Variants in PRR12 observed in about 807,000 individuals in gnomAD.
The protein encoded by PRR12 is proline rich 12, also known as proline-rich protein 12.
In PRR12, 12 loss-of-function variants were observed where a neutral mutation model predicts 138.0. That is an observed-to-expected ratio of 0.09 (90% CI 0.06 to 0.14). The LOEUF is 0.14. PRR12 is among the 10% of genes least tolerant of loss of function. The pLI, the probability that PRR12 is intolerant of heterozygous loss-of-function variation, is 1.00. For missense variants in PRR12, 2,692 were observed against 2,861.3 expected, an observed-to-expected ratio of 0.94 and a Z score of 1.35; for synonymous variants, 1,567 against 1,291.7, an observed-to-expected ratio of 1.21 and a Z score of -4.57.
chr19:49,615,623 C>G, intron 8 of PRR12, 124 bp from the exon 9 acceptor site: 1 of 778,552 alleles, frequency 1.3e-6, no homozygotes, highest in Non-Finnish European at 2.0e-6. Context: ...GAACAGAGAC[C>G]AGAGAGAGGA....
chr19:49,598,098 G>C (rs541100524), intron 4 of PRR12, 85 bp downstream of exon 4: 13 of 1,218,436 alleles, frequency 1.1e-5, no homozygotes, highest in Non-Finnish European at 1.3e-5. Context: ...TTTTGAGACA[G>C]AGTCTCGCTC....
At position 49,616,484 on chromosome 19, in the gene PRR12, C is replaced by T. The variant is rs532014209; in HGVS notation, c.5497+265C>T. 3.9e-5 allele frequency among the ~76,000 whole-genome samples: 6 copies of T among 152,248 alleles called. No individual in the cohort carries two copies. The highest frequency in any genetic ancestry group is 3.3e-4 in the Admixed American group (5 of 15,288). ...TCTACAGATGAGGAAGCTGAGGCTC[C>T]AAGAGAGGGCAGCACAGTCTGTGTT... is the stretch of plus-strand genomic sequence containing the variant. On this transcript the variant is annotated intron_variant, in intron 9 of 13. Transcript: ENST00000418929. This position sits in a 1 kb window ranked among gnomAD's most constrained non-coding sequence, Gnocchi z 4.2.
At position 49,596,764 on chromosome 19, in the gene PRR12, C is replaced by G. The variant is rs1267242660; in HGVS notation, c.2429C>G (p.Pro810Arg). ...QLLPSVLSHAPSPSPSASKVG... is the reference protein window; with the variant it reads ...QLLPSVLSHARSPSPSASKVG... ...CTCCCCTCGGTCCTCAGCCATGCCC[C>G]CAGTCCCTCTCCCAGCGCCTCCAAA... Residue 810 changes from proline (P) to arginine (R), a missense_variant, in exon 4 of 14, where the codon CCC becomes CGC. By Grantham distance (103) the Pro-to-Arg change is moderately radical. This residue lies in a region of PRR12 where 840 missense variants were observed against 689.8 expected (regional missense o/e 1.22). Coordinates refer to ENST00000418929, the MANE Select transcript of PRR12 (RefSeq NM_020719.3). The surrounding 1 kb of genome is among the most constrained non-coding windows in gnomAD (Gnocchi z 5.6). 4 of 1,604,338 alleles carry G rather than the reference C, an allele frequency of 2.5e-6. No individual in the cohort carries two copies. The highest frequency in any genetic ancestry group is 1.3e-5 in the African/African-American group (1 of 74,778).
chr19:49,617,896 G>A (rs760420662), intron 9 of PRR12, among the ~76,000 whole-genome samples: 2 of 151,980 alleles, frequency 1.3e-5, no homozygotes, highest in Admixed American at 1.3e-4. Flanking sequence ...TCAGGAGCTC[G>A]AGACCAGCCT....
At chr19:49,609,978 T>C (rs979032067) in intron 6 of PRR12, among the ~76,000 whole-genome samples, 2 of 150,872 alleles carry the variant, frequency 1.3e-5, no homozygotes, top group Non-Finnish European at 3.0e-5. Flanking sequence ...TCTTTTTCTT[T>C]CTTTTTTTTT....
chr19:49,597,059 T>C lies in PRR12; in HGVS notation c.2724T>C (p.Asp908=), dbSNP rs1409917610. 2 of 1,553,156 alleles carry C rather than the reference T, an allele frequency of 1.3e-6. No homozygotes were observed. The highest frequency in any genetic ancestry group is 3.9e-5 in the Admixed American group (2 of 51,188). Reference sequence around the variant, plus strand: ...GCCCACCAAACTCGGAGGGCAAGGATCCCGCAGGCGCCTACCGCAGCCCCA... The same window carrying C: ...GCCCACCAAACTCGGAGGGCAAGGACCCCGCAGGCGCCTACCGCAGCCCCA... ...GVGPPNSEGK[D]PAGAYRSPSP... The change falls in exon 4 of 14, where the codon GAT becomes GAC. Residue 908 remains aspartate, a synonymous_variant. Transcript: ENST00000418929. This position sits in a 1 kb window ranked among gnomAD's most constrained non-coding sequence, Gnocchi z 6.3.
At position 49,596,783 on chromosome 19, in the gene PRR12, C is replaced by T. The variant is rs765256367; in HGVS notation, c.2448C>T (p.Ala816=). The part of the protein sequence containing the change: ...LSHAPSPSPS[A]SKVGVHLLEP... ...ATGCCCCCAGTCCCTCTCCCAGCGCCTCCAAAGTCGGCGTCCACCTCCTTG... is the reference window on the plus strand; with the variant it reads ...ATGCCCCCAGTCCCTCTCCCAGCGCTTCCAAAGTCGGCGTCCACCTCCTTG... Residue 816 remains alanine (A), a synonymous_variant, in exon 4 of 14, where the codon GCC becomes GCT. Coordinates refer to ENST00000418929, the MANE Select transcript of PRR12 (RefSeq NM_020719.3). This position sits in a 1 kb window ranked among gnomAD's most constrained non-coding sequence, Gnocchi z 5.6. The T allele has an allele frequency of 3.4e-5, 54 of 1,602,856 alleles. 1 individual carries two copies. Among genetic ancestry groups the T allele is most frequent in the South Asian group, 2.9e-4 (26 of 90,998 alleles).
At position 49,594,405 on chromosome 19, in the gene PRR12, T is replaced by C; in HGVS notation, c.200-49T>C. The C allele has an allele frequency of 6.7e-7, 1 of 1,495,062 alleles. No homozygotes were observed. Among genetic ancestry groups the C allele is most frequent in the Non-Finnish European group, 9.0e-7 (1 of 1,112,942 alleles). The allele number at this position is 1,495,062 out of a possible 1,614,324, so 92.6% of individuals were successfully genotyped here. ...GCCTCTTCCCTTTCTCTCTTGACTGTATCCTACCCACCCCCACCTGGCTGA... is the reference window on the plus strand; with the variant it reads ...GCCTCTTCCCTTTCTCTCTTGACTGCATCCTACCCACCCCCACCTGGCTGA... On this transcript the variant is annotated intron_variant, in intron 2 of 13. Transcript: ENST00000418929. This position sits in a 1 kb window ranked among gnomAD's most constrained non-coding sequence, Gnocchi z 5.6.
At chr19:49,593,148 C>G (rs538708941) in intron 1 of PRR12, among the ~76,000 whole-genome samples, 179 bp from the exon 2 acceptor site, 7 of 152,196 alleles carry the variant, frequency 4.6e-5, no homozygotes, top group African/African-American at 1.4e-4. Context: ...TTCTGTGGCT[C>G]TTTAGTTGAG....
rs1325955710 is a variant in PRR12, at chr19:49,624,841, C to T, written c.5722-3C>T. 5.0e-6 allele frequency: 8 copies of T among 1,610,368 alleles called. No homozygotes were observed. The highest frequency in any genetic ancestry group is 2.7e-5 in the African/African-American group (2 of 74,788). ...ATCCAGCTGACCCATTGGCTTCCCG[C>T]AGGATGCTCTGCACACGTTCCCACA... On this transcript the variant is annotated splice_region_variant and splice_polypyrimidine_tract_variant and intron_variant, in intron 11 of 13. Coordinates refer to ENST00000418929, the MANE Select transcript of PRR12 (RefSeq NM_020719.3).
At chr19:49,600,345 A>C (rs2080803260) in intron 5 of PRR12, among the ~76,000 whole-genome samples, 1 of 151,874 alleles carries the variant, frequency 6.6e-6, no homozygotes, top group Non-Finnish European at 1.5e-5. Flanking sequence ...GGGCGGTGGA[A>C]GGGAAGGCTA....
intron 6 of PRR12, among the ~76,000 whole-genome samples, chr19:49,612,705 C>T (rs570068735): frequency 6.6e-6 from 1 of 152,124 alleles, no homozygotes; most frequent in African/African-American, 2.4e-5. Flanking sequence ...TGCTCTGTTG[C>T]CCAGGCCAGA....
chr19:49,603,084 C>T (rs1459306793), intron 6 of PRR12, among the ~76,000 whole-genome samples: 1 of 152,250 alleles, frequency 6.6e-6, no homozygotes, highest in African/African-American at 2.4e-5. Flanking sequence ...GGGTAGTTAG[C>T]TGGCCCTCAA....
chr19:49,619,224 GTTTT>G (rs34027784), intron 9 of PRR12, among the ~76,000 whole-genome samples: 40 of 79,774 alleles, frequency 5.0e-4, no homozygotes, highest in African/African-American at 2.0e-3. Context: ...CCTCCTGTGA[GTTTT>G]TTTTTTTTTT....
Position 49,593,332 on chromosome 19 carries a change from T to C in PRR12, c.92T>C (p.Val31Ala). ...CGTCTCCCCTTTCCCCCCAGCTTGG[T>C]TTATGGCAGCTCCAGGACCTCGCAC... ...SYERSAKASL[V>A]YGSSRTSHPE... The change falls in exon 2 of 14, where the codon GTT becomes GCT. Residue 31 changes from valine to alanine, a missense_variant. Val to Ala is a moderately conservative substitution (Grantham distance 64). Around this residue, in one of 11 missense-constraint regions of PRR12, gnomAD observed 211 missense variants for 266.3 expected, o/e 0.79. Transcript: ENST00000418929. 6.7e-7 allele frequency: 1 copy of C among 1,490,264 alleles called. No homozygotes were observed. The allele number at this position is 1,490,264 out of a possible 1,614,324, so 92.3% of individuals were successfully genotyped here.
chr19:49,616,019 G>T lies in PRR12; in HGVS notation c.5297G>T (p.Arg1766Leu), dbSNP rs908417556. The change falls in exon 9 of 14, where the codon CGG (arginine) becomes CTG (leucine). Residue 1766 changes from arginine (R) to leucine (L), a missense_variant. Around this residue, in one of 11 missense-constraint regions of PRR12, gnomAD observed 259 missense variants for 265.1 expected, o/e 0.98. Transcript: ENST00000418929. This position sits in a 1 kb window ranked among gnomAD's most constrained non-coding sequence, Gnocchi z 4.2. ...CGGGCCACCAGCGGACGGCAGACAC[G>T]GCCAGAGCGGAGTCTCGCCACGGGA... Reference protein sequence around the residue: ...GERATSGRQTRPERSLATGQP... With the variant: ...GERATSGRQTLPERSLATGQP... 1 of 1,553,926 alleles carries T rather than the reference G, an allele frequency of 6.4e-7. No homozygotes were observed.
At position 49,597,572 on chromosome 19, in the gene PRR12, C is replaced by T. The variant is rs2080782521; in HGVS notation, c.3237C>T (p.His1079=). ...AGCTGCTCAAGACATCCTCCTTCCA[C>T]CTGCTGCGGCGCCGCGACCCACCCT... ...PKKLLKTSSF[H]LLRRRDPPFQ... Residue 1079 remains histidine, a synonymous_variant, in exon 4 of 14, where the codon CAC becomes CAT. Transcript: ENST00000418929. The surrounding 1 kb of genome is among the most constrained non-coding windows in gnomAD (Gnocchi z 6.3). The T allele has an allele frequency of 1.2e-6, 2 of 1,602,008 alleles. No individual in the cohort carries two copies. Among genetic ancestry groups the T allele is most frequent in the Non-Finnish European group, 1.7e-6 (2 of 1,175,748 alleles).
chr19:49,621,741 A>C, intron 11 of PRR12, 119 bp downstream of exon 11: 1 of 808,832 alleles, frequency 1.2e-6, no homozygotes, highest in Non-Finnish European at 2.0e-6. Flanking sequence ...TTCTGGGCTC[A>C]GATGGGAGAA....
chr19:49,595,991 C>T lies in PRR12; in HGVS notation c.1656C>T (p.Ser552=). 1 of 1,600,842 alleles carries T rather than the reference C, an allele frequency of 6.2e-7. No individual in the cohort carries two copies. The highest frequency in any genetic ancestry group is 8.5e-7 in the Non-Finnish European group (1 of 1,179,688). The change falls in exon 4 of 14, where the codon TCC becomes TCT. Residue 552 remains serine, a synonymous_variant. Coordinates refer to ENST00000418929, the MANE Select transcript of PRR12 (RefSeq NM_020719.3). ...ATGGGGGTGGCTGGGGACCCAGCTC[C>T]CTGGGAGGCGGCGGTGAGGCCAGCC... ...SGHGGGWGPS[S]LGGGGEASPS... is the part of the protein sequence containing the mutation.
Sources: allele counts gnomAD v4.1 joint callset (sites outside exome capture counted in the v4.1 genomes callset), GRCh38; gene constraint gnomAD v4.1.1; regional missense constraint gnomAD v4.1.1; non-coding constraint Gnocchi (gnomAD v3.1); transcripts MANE v1.5; gene names NCBI Gene and HGNC (gene_info 2026-07-23, HGNC 2026-07-21).